UNK: variants seen among roughly 807,000 people sequenced by gnomAD.
UNK encodes the protein RING finger protein unkempt homolog.
In UNK, 32 loss-of-function variants were observed where a neutral mutation model predicts 97.6. The ratio of observed to expected loss-of-function variants is 0.33; its 90% CI spans 0.25 to 0.44. The LOEUF is 0.44. Among genes scored for constraint, UNK ranks in the 20% least tolerant of loss-of-function variants. The probability of loss-of-function intolerance (pLI) is 1.00; values close to 1 mark genes in which losing one functional copy is unlikely to be tolerated. For missense variants in UNK, 771 were observed against 1,098.4 expected (o/e 0.70, Z 4.21); for synonymous variants, 441 against 461.2 (o/e 0.96, Z 0.56).
chr17:75,820,676 T>C (rs997263407), intron 13 of UNK, among the ~76,000 whole-genome samples: 3 of 152,138 alleles, frequency 2.0e-5, no homozygotes, highest in Non-Finnish European at 2.9e-5. Context: ...CAAGGTTTAG[T>C]GGCTAGAAGA....
At position 75,812,215 on chromosome 17, in the gene UNK, T is replaced by C; in HGVS notation, c.418T>C (p.Cys140Arg). 6.2e-7 allele frequency: 1 copy of C among 1,614,004 alleles called. No individual in the cohort carries two copies. The highest frequency in any genetic ancestry group is 8.5e-7 in the Non-Finnish European group (1 of 1,179,886). ...CIHETDSKGN[C>R]TKNGLHCAFA... ...CCACGAGACAGACTCGAAAGGCAAC[T>C]GCACCAAAAACGGCCTGCACTGCGC... Residue 140 changes from cysteine (C) to arginine (R), a missense_variant, in exon 3 of 16, where the codon TGC (cysteine) becomes CGC (arginine). Transcript: ENST00000589666.
chr17:75,822,013 C>A lies in UNK; in HGVS notation c.1838-464C>A, dbSNP rs1237428245. On this transcript the variant is annotated intron_variant, in intron 13 of 15. Transcript: ENST00000589666. ...CCCAAGGCTCCCTGAGCTCTTCCTG[C>A]CCCAGCTCTGCCATCCGATGAGGCT... The A allele has an allele frequency of 1.7e-5, 5 of 290,308 alleles. No individual in the cohort carries two copies. In the Admixed American group the frequency reaches 2.4e-4, roughly 14 times the overall value. The allele number at this position is 290,308 out of a possible 1,614,324, so 18.0% of individuals were successfully genotyped here.
At chr17:75,822,343 T>C in intron 13 of UNK, 134 bp from the exon 14 acceptor site, 1 of 1,135,368 alleles carries the variant, frequency 8.8e-7, no homozygotes, top group Non-Finnish European at 1.2e-6. Flanking sequence ...TGCAAAATTC[T>C]CTGGCCTGAC....
chr17:75,814,995 G>A (rs956021303), intron 6 of UNK, among the ~76,000 whole-genome samples, 174 bp from the exon 7 acceptor site: 1 of 152,170 alleles, frequency 6.6e-6, no homozygotes, highest in Non-Finnish European at 1.5e-5. Context: ...GTGGTGGGCT[G>A]CCTCAGGAGT....
rs192854118 is a variant in UNK at position 75,810,781 on chromosome 17, C to T, written c.314+812C>T. On this transcript the variant is annotated intron_variant, in intron 2 of 15. Transcript: ENST00000589666. Reference sequence around the variant, plus strand: ...CCTCCCAAGTAGCTGGGACTGCAGGCGTGCACCACAATACCCAGCTAATTT... The same window carrying T: ...CCTCCCAAGTAGCTGGGACTGCAGGTGTGCACCACAATACCCAGCTAATTT... 5.9e-4 allele frequency among the ~76,000 whole-genome samples: 89 copies of T among 152,010 alleles called. 1 individual carries two copies. The highest frequency in any genetic ancestry group is 2.1e-4 in the South Asian group (1 of 4,816).
At chr17:75,785,693 C>G (rs2061703470) in intron 1 of UNK, 1 of 152,230 alleles carries the variant, frequency 6.6e-6, no homozygotes, top group African/African-American at 2.4e-5. Context: ...ATGGGAAAAC[C>G]TCTTCCTGGA....
chr17:75,816,896 C>T lies in UNK; in HGVS notation c.1088C>T (p.Ala363Val). ...SVPVSPSSPH[A>V]PDLSALLCRN... is the part of the protein sequence containing the mutation. Reference sequence around the variant, plus strand: ...CCTGTGAGCCCCTCCAGCCCGCATGCCCCTGACCTCAGTGCCGTACGTGTC... The same window carrying T: ...CCTGTGAGCCCCTCCAGCCCGCATGTCCCTGACCTCAGTGCCGTACGTGTC... Residue 363 changes from alanine (A) to valine (V), a missense_variant, in exon 8 of 16, where the codon GCC becomes GTC. Ala to Val is a moderately conservative substitution (Grantham distance 64). Around this residue, in one of 5 missense-constraint regions of UNK, gnomAD observed 192 missense variants for 202.4 expected, o/e 0.95. Transcript: ENST00000589666. The surrounding 1 kb of genome is among the most constrained non-coding windows in gnomAD (Gnocchi z 4.0). The T allele has an allele frequency of 6.2e-7, 1 of 1,604,318 alleles. No individual in the cohort carries two copies. Among genetic ancestry groups the T allele is most frequent in the Middle Eastern group, 1.7e-4 (1 of 6,054 alleles).
At chr17:75,790,626 A>G (rs1030934917) in intron 1 of UNK, among the ~76,000 whole-genome samples, 1 of 150,544 alleles carries the variant, frequency 6.6e-6, no homozygotes, top group African/African-American at 2.4e-5. Flanking sequence ...GCAAGACCCT[A>G]TCTGAAAAAT....
At chr17:75,785,092 C>T in intron 1 of UNK, 108 bp downstream of exon 1, 2 of 701,808 alleles carry the variant, frequency 2.8e-6, no homozygotes, top group South Asian at 2.1e-5. Flanking sequence ...TCCCCCCCTT[C>T]CTCCTCCGGC....
intron 1 of UNK, among the ~76,000 whole-genome samples, chr17:75,798,385 A>C (rs879867475): frequency 6.0e-5 from 9 of 150,292 alleles, no homozygotes; most frequent in Non-Finnish European, 1.3e-4. Context: ...TTGCATTTTT[A>C]ATAGAGATAA....
At position 75,824,518 on chromosome 17, in the gene UNK, G is replaced by A. The variant is rs1381339629; in HGVS notation, c.*101G>A. ...TATATATATATGTGTATGTATGTAT[G>A]TATATGTATATGATTATGTATATGT... On this transcript the variant is annotated 3_prime_UTR_variant, in exon 16 of 16. Coordinates refer to ENST00000589666, the MANE Select transcript of UNK (RefSeq NM_001080419.3). This position sits in a 1 kb window ranked among gnomAD's most constrained non-coding sequence, Gnocchi z 4.9. 1 of 846,944 alleles carries A rather than the reference G, an allele frequency of 1.2e-6. No individual in the cohort carries two copies. The highest frequency in any genetic ancestry group is 4.1e-5 in the East Asian group (1 of 24,436). 52.5% of individuals were successfully genotyped at this position (846,944 alleles called of 1,614,324 possible).
Position 75,823,306 on chromosome 17 carries a change from G to A in UNK, c.2061G>A (p.Glu687=), listed in dbSNP as rs2062086103. Reference sequence around the variant, plus strand: ...AGAAAGAGGCGGAGGAGGCTGGTGAGCGGGCCAGTGCGGCGGGCGCCGAGT... The same window carrying A: ...AGAAAGAGGCGGAGGAGGCTGGTGAACGGGCCAGTGCGGCGGGCGCCGAGT... ...AWKKEAEEAG[E]RASAAGAECE... The change falls in exon 15 of 16, where the codon GAG becomes GAA. Residue 687 remains glutamate, a synonymous_variant. Transcript: ENST00000589666. The A allele has an allele frequency of 1.2e-6, 2 of 1,608,638 alleles. No homozygotes were observed. Among genetic ancestry groups the A allele is most frequent in the Admixed American group, 3.3e-5 (2 of 59,788 alleles).
At chr17:75,804,323 C>T (rs1470561349) in intron 1 of UNK, among the ~76,000 whole-genome samples, 1 of 151,832 alleles carries the variant, frequency 6.6e-6, no homozygotes, top group African/African-American at 2.4e-5. Context: ...GGTGTGGTAG[C>T]GCATGCCTGT....
At chr17:75,792,068 A>T (rs1010797687) in intron 1 of UNK, 1 of 985,052 alleles carries the variant, frequency 1.0e-6, no homozygotes, top group Non-Finnish European at 1.2e-6. Context: ...ACGCTTAGGT[A>T]ACTAGAGCCC....
At chr17:75,814,489 C>CA (rs59234903) in intron 6 of UNK, among the ~76,000 whole-genome samples, 15,081 of 69,990 alleles carry the variant, frequency 0.22, 2,050 homozygotes, top group African/African-American at 0.35. Context: ...GAGACTCCAT[C>CA]AAAAAAAAAA....
chr17:75,819,982 T>G lies in UNK; in HGVS notation c.1711T>G (p.Ser571Ala). The G allele has an allele frequency of 6.2e-7, 1 of 1,613,324 alleles. No homozygotes were observed. The highest frequency in any genetic ancestry group is 1.1e-5 in the South Asian group (1 of 91,060). Reference sequence around the variant, plus strand: ...CCCCGGCTCCTTGGGCAGCTCTGCCTCCTTCCACTCAGCATCCCCGTCCCC... The same window carrying G: ...CCCCGGCTCCTTGGGCAGCTCTGCCGCCTTCCACTCAGCATCCCCGTCCCC... ...NIPGSLGSSA[S>A]FHSASPSPPV... Residue 571 changes from serine to alanine, a missense_variant, in exon 13 of 16, where the codon TCC becomes GCC. By Grantham distance (99) the Ser-to-Ala change is moderately conservative. Around this residue, in one of 5 missense-constraint regions of UNK, gnomAD observed 91 missense variants for 173.1 expected, o/e 0.53. Coordinates refer to ENST00000589666, the MANE Select transcript of UNK (RefSeq NM_001080419.3). This position sits in a 1 kb window ranked among gnomAD's most constrained non-coding sequence, Gnocchi z 5.4.
At chr17:75,823,151 C>G in intron 14 of UNK, 114 bp from the exon 15 acceptor site, 1 of 1,472,660 alleles carries the variant, frequency 6.8e-7, no homozygotes, top group Non-Finnish European at 9.0e-7. Context: ...TCCCAGAGAG[C>G]CAACCCAGCT....
At chr17:75,810,128 A>T (rs954643221) in intron 2 of UNK, among the ~76,000 whole-genome samples, 159 bp downstream of exon 2, 1 of 152,228 alleles carries the variant, frequency 6.6e-6, no homozygotes. Context: ...CCCTGGCGGT[A>T]GGCTGCGGGG....
chr17:75,821,886 C>T, intron 13 of UNK: 1 of 362,250 alleles, frequency 2.8e-6, no homozygotes, highest in South Asian at 2.0e-5. Flanking sequence ...GCCTTTGGAA[C>T]CACACTCCCT....
Sources: gnomAD v4.1 joint callset for allele counts (sites outside exome capture counted in the v4.1 genomes callset) on GRCh38, gnomAD v4.1.1 for gene constraint, gnomAD v4.1.1 regional missense constraint, Gnocchi (gnomAD v3.1) non-coding constraint, MANE v1.5 for transcripts, NCBI Gene and HGNC (gene_info 2026-07-23, HGNC 2026-07-21) for gene names.